The following PKP2 variants were observed in gnomAD, a reference collection of about 807,000 sequenced individuals.
PKP2 encodes plakophilin 2, also known as plakophilin-2.
A neutral mutation model predicts 83.4 loss-of-function variants in PKP2; 73 were observed. That is an observed-to-expected ratio of 0.88 (90% CI 0.72 to 1.06). The LOEUF (loss-of-function observed/expected upper bound fraction) is 1.06. PKP2 is among the 50% of genes least tolerant of loss of function. The pLI, the probability that PKP2 is intolerant of heterozygous loss-of-function variation, is 0.00. For missense variants in PKP2, 966 were observed against 1,065.4 expected, an observed-to-expected ratio of 0.91 and a Z score of 1.30; for synonymous variants, 409 against 430.4, an observed-to-expected ratio of 0.95 and a Z score of 0.62.
Position 32,862,891 on chromosome 12 carries a change from C to T in PKP2, c.1170+6036G>A, listed in dbSNP as rs940193721. ...GCGGGCACCTGTAATTCCAGCTATTCGGGAGGTTGAGTCAGGAGAATTGCA... is the reference window on the plus strand; with the variant it reads ...GCGGGCACCTGTAATTCCAGCTATTTGGGAGGTTGAGTCAGGAGAATTGCA... On this transcript the variant is annotated intron_variant, in intron 4 of 12. Coordinates refer to ENST00000340811, the MANE Select transcript of PKP2 (RefSeq NM_001005242.3). 3.3e-5 allele frequency among the ~76,000 whole-genome samples: 5 copies of T among 151,788 alleles called. 1 individual carries two copies. The South Asian group carries it at 1.0e-3, about 32-fold the overall frequency.
chr12:32,820,094 G>C (rs1015620891), intron 9 of PKP2: 2 of 152,220 alleles, frequency 1.3e-5, no homozygotes, highest in Non-Finnish European at 2.9e-5. Context: ...AAGCCAAACA[G>C]ATGAAAGTTT....
Position 32,878,452 on chromosome 12 carries a change from T to A in PKP2, c.428A>T (p.His143Leu). 6.2e-7 allele frequency: 1 copy of A among 1,614,160 alleles called. No individual in the cohort carries two copies. The highest frequency in any genetic ancestry group is 1.1e-5 in the South Asian group (1 of 91,086). ...AGAAATCTCCAGTCTCCTCAGAGGATGCCTCAAGGACCTTTCTTCCACGGA... is the reference window on the plus strand; with the variant it reads ...AGAAATCTCCAGTCTCCTCAGAGGAAGCCTCAAGGACCTTTCTTCCACGGA... Reference protein sequence around the residue: ...QKSVEERSLRHPLRRLEISPD... With the variant: ...QKSVEERSLRLPLRRLEISPD... Residue 143 changes from histidine to leucine, a missense_variant, in exon 3 of 13, where the codon CAT (histidine) becomes CTT (leucine). Coordinates refer to ENST00000340811, the MANE Select transcript of PKP2 (RefSeq NM_001005242.3).
intron 10 of PKP2, among the ~76,000 whole-genome samples, chr12:32,798,045 T>C (rs1339866643): frequency 6.6e-6 from 1 of 151,086 alleles, no homozygotes; most frequent in Non-Finnish European, 1.5e-5. Context: ...TAATCTTTGC[T>C]TCCCAAGGTT....
At chr12:32,839,538 T>G (rs1331516633) in intron 6 of PKP2, among the ~76,000 whole-genome samples, 1 of 151,942 alleles carries the variant, frequency 6.6e-6, no homozygotes, top group East Asian at 1.9e-4. Flanking sequence ...CTAGGAATGC[T>G]GAATTCTGTC....
At chr12:32,820,827 G>A (rs1484240841) in intron 9 of PKP2, 1 of 174,146 alleles carries the variant, frequency 5.7e-6, no homozygotes, top group Non-Finnish European at 1.2e-5. Flanking sequence ...AAGCCAGCCC[G>A]TGAGACATAT....
chr12:32,869,025 T>C lies in PKP2; in HGVS notation c.1072A>G (p.Ser358Gly). 1 of 1,613,840 alleles carries C rather than the reference T, an allele frequency of 6.2e-7. No individual in the cohort carries two copies. Among genetic ancestry groups the C allele is most frequent in the Non-Finnish European group, 8.5e-7 (1 of 1,179,822 alleles). The change falls in exon 4 of 13, where the codon AGT becomes GGT. Residue 358 changes from serine to glycine, a missense_variant. By Grantham distance (56) the Ser-to-Gly change is moderately conservative (BLOSUM62 0). Transcript: ENST00000340811. The part of the protein sequence containing the change: ...DMEMTLERAV[S>G]MLEADHMLPS... ...AGCATGTGGTCTGCCTCGAGCATAC[T>C]CACTGCTCGCTCCAGAGTCATCTCC...
At chr12:32,870,584 C>T (rs1956887280) in intron 3 of PKP2, among the ~76,000 whole-genome samples, 1 of 151,930 alleles carries the variant, frequency 6.6e-6, no homozygotes, top group African/African-American at 2.4e-5. Context: ...ATATTTTTAT[C>T]TAATATTAGA....
At chr12:32,829,280 A>G (rs1209706193) in intron 6 of PKP2, among the ~76,000 whole-genome samples, 1 of 148,446 alleles carries the variant, frequency 6.7e-6, no homozygotes, top group Non-Finnish European at 1.5e-5. Flanking sequence ...TTTGAGATAG[A>G]GTCTCACTCT....
At chr12:32,799,787 G>C (rs1264800037) in intron 10 of PKP2, among the ~76,000 whole-genome samples, 1 of 152,150 alleles carries the variant, frequency 6.6e-6, no homozygotes, top group East Asian at 1.9e-4. Context: ...TTGGGGGAAA[G>C]GTAGGAAGGG....
chr12:32,857,902 C>G (rs567952957), intron 4 of PKP2, among the ~76,000 whole-genome samples: 2 of 149,480 alleles, frequency 1.3e-5, no homozygotes, highest in Non-Finnish European at 3.0e-5. Flanking sequence ...ACTACAAAAT[C>G]GAAGCATACG....
chr12:32,843,413 TC>T, intron 5 of PKP2: 1 of 793,566 alleles, frequency 1.3e-6, no homozygotes, highest in Non-Finnish European at 2.0e-6. Context: ...AAACATCACC[TC>T]CCCTGAAATA....
chr12:32,814,954 A>C (rs1956307255), intron 9 of PKP2, among the ~76,000 whole-genome samples: 1 of 151,964 alleles, frequency 6.6e-6, no homozygotes, highest in South Asian at 2.1e-4. Context: ...TAATCTCAAC[A>C]ATCTTGTCAG....
chr12:32,833,542 G>C (rs991388838), intron 6 of PKP2, among the ~76,000 whole-genome samples: 1 of 152,044 alleles, frequency 6.6e-6, no homozygotes, highest in Non-Finnish European at 1.5e-5. Context: ...CTTTCCAAAG[G>C]TATGGTTTGC....
At chr12:32,888,823 C>G (rs1957054200) in intron 1 of PKP2, among the ~76,000 whole-genome samples, 1 of 140,742 alleles carries the variant, frequency 7.1e-6, no homozygotes, top group Non-Finnish European at 1.5e-5. Flanking sequence ...GACAGGGTCA[C>G]TCTGTTGCCC....
At chr12:32,886,025 T>C (rs1390093148) in intron 1 of PKP2, among the ~76,000 whole-genome samples, 1 of 152,176 alleles carries the variant, frequency 6.6e-6, no homozygotes, top group Admixed American at 6.6e-5. Flanking sequence ...GAGATGAAGA[T>C]ACATGTAGAG....
rs1158432041 is a variant in PKP2, at chr12:32,868,994, G to C, written c.1103C>G (p.Ser368Cys). The change falls in exon 4 of 13, where the codon TCC (serine) becomes TGC (cysteine). Residue 368 changes from serine (S) to cysteine (C), a missense_variant. By Grantham distance (112) the Ser-to-Cys change is moderately radical. Transcript: ENST00000340811. ...SMLEADHMLPSRISAAATFIQ... is the reference protein window; with the variant it reads ...SMLEADHMLPCRISAAATFIQ... The stretch of plus-strand genomic sequence containing the variant: ...GAAAGTAGCTGCAGCAGAAATCCTG[G>C]ATGGCAGCATGTGGTCTGCCTCGAG... 6.2e-7 allele frequency: 1 copy of C among 1,613,834 alleles called. No individual in the cohort carries two copies.
intron 4 of PKP2, among the ~76,000 whole-genome samples, chr12:32,853,731 G>T (rs550591864): frequency 3.6e-4 from 55 of 152,182 alleles, no homozygotes; most frequent in African/African-American, 1.3e-3. Context: ...GGCTGGTCTC[G>T]AACTCCCAAC....
At chr12:32,872,651 A>C (rs1956904424) in intron 3 of PKP2, among the ~76,000 whole-genome samples, 2 of 152,122 alleles carry the variant, frequency 1.3e-5, no homozygotes, top group Non-Finnish European at 2.9e-5. Context: ...CTGATATTAG[A>C]ATATGGCTAC....
At chr12:32,874,524 T>A (rs76711458) in intron 3 of PKP2, among the ~76,000 whole-genome samples, 19,511 of 152,100 alleles carry the variant, frequency 0.13, 1,361 homozygotes, top group South Asian at 0.2. Flanking sequence ...CAGGAAGAGA[T>A]TTCTTACTCA....
Sources: allele counts gnomAD v4.1 joint callset (sites outside exome capture counted in the v4.1 genomes callset), GRCh38; gene constraint gnomAD v4.1.1; transcripts MANE v1.5; gene names NCBI Gene and HGNC (gene_info 2026-07-23, HGNC 2026-07-21).